KIF26B: variants seen among roughly 807,000 people sequenced by gnomAD.
KIF26B encodes kinesin-like protein KIF26B.
In KIF26B, 63 loss-of-function variants were observed where a neutral mutation model predicts 151.2. The observed-to-expected ratio is 0.42, with a 90% CI of 0.34 to 0.51. The LOEUF (loss-of-function observed/expected upper bound fraction) is 0.51, where lower values mean the gene tolerates loss of function less well. Among genes scored for constraint, KIF26B ranks in the 20% least tolerant of loss-of-function variants. The probability of loss-of-function intolerance (pLI) is 0.07; values close to 1 mark genes in which losing one functional copy is unlikely to be tolerated. For missense variants in KIF26B, 2,813 were observed against 2,913.6 expected, an observed-to-expected ratio of 0.97 and a Z score of 0.79; for synonymous variants, 1,357 against 1,262.1, an observed-to-expected ratio of 1.08 and a Z score of -1.59.
At chr1:245,511,266 G>C in intron 4 of KIF26B, 2 of 620,442 alleles carry the variant, frequency 3.2e-6, no homozygotes, top group South Asian at 4.2e-5. Flanking sequence ...AAGTTAGGAG[G>C]GTCCAGGTTG....
intron 4 of KIF26B, among the ~76,000 whole-genome samples, chr1:245,469,829 A>G (rs1659872137): frequency 6.6e-6 from 1 of 152,098 alleles, no homozygotes; most frequent in African/African-American, 2.4e-5. Flanking sequence ...TAATCAAAAC[A>G]TTTTTCCTCC....
chr1:245,354,096 C>CGTTT (rs1351316513), intron 2 of KIF26B, among the ~76,000 whole-genome samples: 4 of 152,130 alleles, frequency 2.6e-5, no homozygotes, highest in African/African-American at 7.2e-5. Context: ...TCCCGCCAAA[C>CGTTT]GCTTCATGAC....
At chr1:245,536,397 C>T (rs1443799609) in intron 4 of KIF26B, among the ~76,000 whole-genome samples, 1 of 152,172 alleles carries the variant, frequency 6.6e-6, no homozygotes, top group Non-Finnish European at 1.5e-5. Context: ...ACCGTGAGCT[C>T]TCTTCCCTGG....
chr1:245,686,720 C>A lies in KIF26B; in HGVS notation c.3737C>A (p.Ala1246Asp). 6.2e-7 allele frequency: 1 copy of A among 1,613,314 alleles called. No individual in the cohort carries two copies. Among genetic ancestry groups the A allele is most frequent in the Non-Finnish European group, 8.5e-7 (1 of 1,179,724 alleles). Residue 1246 changes from alanine to aspartate, a missense_variant, in exon 12 of 15, where the codon GCC (alanine) becomes GAC (aspartate). By Grantham distance (126) the Ala-to-Asp change is moderately radical. This residue lies in a region of KIF26B where 2,060 missense variants were observed against 2,088.6 expected (regional missense o/e 0.99). Coordinates refer to ENST00000407071, the MANE Select transcript of KIF26B (RefSeq NM_018012.4). The surrounding 1 kb of genome is among the most constrained non-coding windows in gnomAD (Gnocchi z 5.6). The stretch of plus-strand genomic sequence containing the variant: ...GACCTGGAGTGCTACTCCAGCACGG[C>A]CCCCGTCTCCGAGGTCAGCATCACA... ...SEDLECYSST[A>D]PVSEVSITQF...
At chr1:245,251,116 G>T (rs1670435817) in intron 2 of KIF26B, among the ~76,000 whole-genome samples, 1 of 152,184 alleles carries the variant, frequency 6.6e-6, no homozygotes, top group Non-Finnish European at 1.5e-5. Context: ...TAGAGACTTA[G>T]GGACCAAGGT....
rs1171624620 is a variant in KIF26B at position 245,698,386 on chromosome 1, C to T, written c.6027+78C>T. On this transcript the variant is annotated intron_variant, in intron 13 of 14. Coordinates refer to ENST00000407071, the MANE Select transcript of KIF26B (RefSeq NM_018012.4). The surrounding 1 kb of genome is among the most constrained non-coding windows in gnomAD (Gnocchi z 4.0). ...AGCCTGAGCAGGTGCTAGGCAGGGC[C>T]CTGGGGAAGAAAACTCAGACCCGGG... 5.9e-6 allele frequency: 8 copies of T among 1,355,984 alleles called. No individual in the cohort carries two copies. The African/African-American group carries it at 7.2e-5, about 12-fold the overall frequency. 84.0% of individuals were successfully genotyped at this position (1,355,984 alleles called of 1,614,324 possible). A position where few individuals can be genotyped will look rare whatever the true frequency, so the allele number is the denominator to read the frequency against.
At chr1:245,640,920 C>G (rs746336785) in intron 9 of KIF26B, among the ~76,000 whole-genome samples, 3 of 152,038 alleles carry the variant, frequency 2.0e-5, no homozygotes, top group Non-Finnish European at 4.4e-5. Context: ...TTTTAATCTT[C>G]TTAATAAAAT....
chr1:245,384,014 C>T (rs965918036), intron 3 of KIF26B, among the ~76,000 whole-genome samples: 5 of 152,186 alleles, frequency 3.3e-5, no homozygotes, highest in African/African-American at 1.2e-4. Context: ...AATCTTAATT[C>T]CATTCCCTCT....
intron 4 of KIF26B, among the ~76,000 whole-genome samples, chr1:245,465,013 C>T (rs1235986027): frequency 7.5e-6 from 1 of 132,928 alleles, no homozygotes; most frequent in Non-Finnish European, 1.6e-5. Flanking sequence ...GAGTCTCACT[C>T]TGTCGCCCAG....
chr1:245,439,416 A>T (rs184561567), intron 4 of KIF26B, among the ~76,000 whole-genome samples: 61 of 152,052 alleles, frequency 4.0e-4, no homozygotes, highest in Middle Eastern at 6.9e-3. Flanking sequence ...AAATGTTTTG[A>T]GATGGGGCGA....
intron 2 of KIF26B, among the ~76,000 whole-genome samples, chr1:245,215,782 A>G (rs1669630997): frequency 6.6e-6 from 1 of 152,168 alleles, no homozygotes; most frequent in Non-Finnish European, 1.5e-5. Flanking sequence ...AGAGGCTTCT[A>G]TGATCAGAAT....
intron 3 of KIF26B, among the ~76,000 whole-genome samples, chr1:245,408,375 A>G (rs12565177): frequency 0.25 from 31,315 of 124,860 alleles, 5,554 homozygotes; most frequent in African/African-American, 0.52. Flanking sequence ...TTTTTTTTGA[A>G]ACACAGTCTT....
At chr1:245,684,103 A>T in intron 10 of KIF26B, 130 bp from the exon 11 acceptor site, 1 of 892,830 alleles carries the variant, frequency 1.1e-6, no homozygotes, top group Non-Finnish European at 1.7e-6. Context: ...GATGCTAATT[A>T]GTATGCCATT....
At position 245,519,839 on chromosome 1, in the gene KIF26B, C is replaced by T. The variant is rs1260482392; in HGVS notation, c.1167-20928C>T. On this transcript the variant is annotated intron_variant, in intron 4 of 14. Transcript: ENST00000407071. ...TAAAAATAAGATTATCTTATGGGAC[C>T]ACCAGTATATATGTGGTTCGTCCTT... Among the ~76,000 whole-genome samples, 4 of 152,062 alleles carry T rather than the reference C, an allele frequency of 2.6e-5. No homozygotes were observed. In the East Asian group the frequency reaches 7.7e-4, roughly 29 times the overall value.
chr1:245,412,987 G>A (rs184008380), intron 3 of KIF26B, among the ~76,000 whole-genome samples: 20 of 152,216 alleles, frequency 1.3e-4, no homozygotes, highest in African/African-American at 4.3e-4. Context: ...CCACCACCCC[G>A]AGGGATATGA....
At chr1:245,382,757 G>A (rs544188135) in intron 3 of KIF26B, among the ~76,000 whole-genome samples, 16 of 151,858 alleles carry the variant, frequency 1.1e-4, no homozygotes, top group Non-Finnish European at 2.1e-4. Context: ...TAGTACAGAC[G>A]GGGTTTCTCC....
chr1:245,340,758 T>C (rs1299922124), intron 2 of KIF26B, among the ~76,000 whole-genome samples: 1 of 152,198 alleles, frequency 6.6e-6, no homozygotes, highest in African/African-American at 2.4e-5. Context: ...CCTTGTGATA[T>C]GTGCACTTAA....
chr1:245,700,633 T>C (rs1320586221), intron 14 of KIF26B, among the ~76,000 whole-genome samples: 3 of 151,898 alleles, frequency 2.0e-5, no homozygotes, highest in African/African-American at 7.3e-5. Flanking sequence ...CGCCAGACCC[T>C]GTCTCAAAAA....
chr1:245,616,913 CA>C (rs2043597208), intron 9 of KIF26B, among the ~76,000 whole-genome samples: 1 of 152,168 alleles, frequency 6.6e-6, no homozygotes, highest in East Asian at 1.9e-4. Context: ...TCAAGGTCCA[CA>C]ATGACACCGG....
Sources: allele counts gnomAD v4.1 joint callset (sites outside exome capture counted in the v4.1 genomes callset), GRCh38; gene constraint gnomAD v4.1.1; regional missense constraint gnomAD v4.1.1; non-coding constraint Gnocchi (gnomAD v3.1); transcripts MANE v1.5; gene names NCBI Gene and HGNC (gene_info 2026-07-23, HGNC 2026-07-21).